Variants in CACHD1 observed in about 807,000 individuals in gnomAD.
CACHD1 encodes the protein cache domain containing 1.
Under a neutral mutation model 138.7 loss-of-function variants are expected in CACHD1, and 71 were observed. The ratio of observed to expected loss-of-function variants is 0.51; its 90% CI spans 0.42 to 0.62. The LOEUF (loss-of-function observed/expected upper bound fraction) is 0.62. CACHD1 is among the 20% of genes least tolerant of loss of function. CACHD1 has a pLI of 0.00. For synonymous variants in CACHD1, 578 were observed against 591.5 expected, an observed-to-expected ratio of 0.98 and a Z score of 0.33; for missense variants, 1,389 against 1,625.3, an observed-to-expected ratio of 0.85 and a Z score of 2.50.
chr1:64,635,407 A>T (rs1648487468), intron 7 of CACHD1, among the ~76,000 whole-genome samples: 1 of 137,520 alleles, frequency 7.3e-6, no homozygotes, highest in Non-Finnish European at 1.5e-5. Flanking sequence ...TTTTGGAGAC[A>T]GAGTCTCACT....
chr1:64,635,627 C>T (rs115020727), intron 7 of CACHD1, among the ~76,000 whole-genome samples: 1,970 of 151,282 alleles, frequency 0.013, 42 homozygotes, highest in African/African-American at 0.045. Context: ...TGTAATCCCC[C>T]ACCTCGGCCT....
At chr1:64,503,812 A>G (rs992469874) in intron 1 of CACHD1, among the ~76,000 whole-genome samples, 1 of 152,052 alleles carries the variant, frequency 6.6e-6, no homozygotes, top group African/African-American at 2.4e-5. Context: ...TAATGGGGAG[A>G]TCATTGTTTT....
intron 1 of CACHD1, 23 bp from the exon 2 acceptor site, chr1:64,550,571 T>G (rs899591146): frequency 6.4e-7 from 1 of 1,558,350 alleles, no homozygotes; most frequent in Non-Finnish European, 8.9e-7. Context: ...GAAAATCTCA[T>G]GTTCATTTTC....
At chr1:64,478,564 G>T (rs930317714) in intron 1 of CACHD1, among the ~76,000 whole-genome samples, 1 of 152,162 alleles carries the variant, frequency 6.6e-6, no homozygotes, top group Admixed American at 6.5e-5. Context: ...ATTCCTTATT[G>T]CAGGGAGGCT....
chr1:64,522,308 A>ATTTTTTTTT (rs11412205), intron 1 of CACHD1, among the ~76,000 whole-genome samples: 2 of 148,844 alleles, frequency 1.3e-5, no homozygotes, highest in Admixed American at 6.7e-5. Context: ...CAACCCCCAC[A>ATTTTTTTTT]TTTTTTTTTT....
intron 1 of CACHD1, among the ~76,000 whole-genome samples, chr1:64,529,103 G>A (rs568246174): frequency 1.8e-4 from 27 of 152,186 alleles, no homozygotes; most frequent in Non-Finnish European, 3.7e-4. Flanking sequence ...ATGAAAGAGT[G>A]TAAATTACAT....
Position 64,619,620 on chromosome 1 carries a change from C to T in CACHD1, c.518-9735C>T, listed in dbSNP as rs142735133. On this transcript the variant is annotated intron_variant, in intron 4 of 26. Coordinates refer to ENST00000651257, the MANE Select transcript of CACHD1 (RefSeq NM_020925.4). Reference sequence around the variant, plus strand: ...TGGAATGGTGGTAGGCACTGGAGGTCGGATCTAAGAGCACCTCTCTCTCAG... The same window carrying T: ...TGGAATGGTGGTAGGCACTGGAGGTTGGATCTAAGAGCACCTCTCTCTCAG... Among the ~76,000 whole-genome samples, 319 of 152,218 alleles carry T rather than the reference C, an allele frequency of 2.1e-3. 2 individuals carry two copies. Among genetic ancestry groups the T allele is most frequent in the African/African-American group, 7.2e-3 (298 of 41,538 alleles).
Position 64,582,219 on chromosome 1 carries a change from G to A in CACHD1, c.325G>A (p.Val109Ile). 1 of 1,614,084 alleles carries A rather than the reference G, an allele frequency of 6.2e-7. No homozygotes were observed. Among genetic ancestry groups the A allele is most frequent in the South Asian group, 1.1e-5 (1 of 91,074 alleles). The change falls in exon 3 of 27, where the codon GTT becomes ATT. Residue 109 changes from valine (V) to isoleucine (I), a missense_variant. This residue lies in a region of CACHD1 where 1,000 missense variants were observed against 1,114.7 expected (regional missense o/e 0.90). Coordinates refer to ENST00000651257, the MANE Select transcript of CACHD1 (RefSeq NM_020925.4). Reference protein sequence around the residue: ...YLDVVNRNKQVVEASYTAHLT... With the variant: ...YLDVVNRNKQIVEASYTAHLT... ...GGATGTGGTCAATCGGAACAAGCAAGTTGTAGAAGCATCCTATACGGCTCA... is the reference window on the plus strand; with the variant it reads ...GGATGTGGTCAATCGGAACAAGCAAATTGTAGAAGCATCCTATACGGCTCA...
intron 1 of CACHD1, among the ~76,000 whole-genome samples, chr1:64,474,786 G>A (rs981388256): frequency 6.6e-6 from 1 of 152,234 alleles, no homozygotes; most frequent in African/African-American, 2.4e-5. Flanking sequence ...GACAGTACAG[G>A]CTTCCTAACA....
Position 64,689,219 on chromosome 1 carries a change from C to A in CACHD1, c.3587-2104C>A, listed in dbSNP as rs150903545. 1.5e-3 allele frequency among the ~76,000 whole-genome samples: 221 copies of A among 152,336 alleles called. 2 individuals are homozygous for A. In the East Asian group the frequency reaches 0.036, roughly 25 times the overall value. ...TGCCCTGAATTTGCAGATGACACTT[C>A]TGAGATTCTGGCTAGACATCTCCAC... On this transcript the variant is annotated intron_variant, in intron 26 of 26. Coordinates refer to ENST00000651257, the MANE Select transcript of CACHD1 (RefSeq NM_020925.4).
rs538552358 is a variant in CACHD1 at position 64,532,824 on chromosome 1, A to G, written c.199-17770A>G. Among the ~76,000 whole-genome samples the G allele has an allele frequency of 1.0e-3, 157 of 152,194 alleles. 1 individual carries two copies. Among genetic ancestry groups the G allele is most frequent in the African/African-American group, 3.7e-3 (152 of 41,524 alleles). On this transcript the variant is annotated intron_variant, in intron 1 of 26. Transcript: ENST00000651257. ...TCTATGTCTGACTCATCATCTATAA[A>G]ATAGGGCTTGTTGTTCTTACTTGAA...
intron 19 of CACHD1, among the ~76,000 whole-genome samples, chr1:64,673,920 C>CT (rs1390673669): frequency 6.6e-6 from 1 of 152,034 alleles, no homozygotes; most frequent in East Asian, 1.9e-4. Context: ...AAAATAATGT[C>CT]TTTTTTTAGC....
rs1279085985 is a variant in CACHD1 at position 64,692,780 on chromosome 1, TA to T, written c.*1220del. 3.3e-5 allele frequency: 5 copies of T among 152,360 alleles called. No individual in the cohort carries two copies. Among genetic ancestry groups the T allele is most frequent in the African/African-American group, 1.2e-4 (5 of 41,460 alleles). The allele number at this position is 152,360 out of a possible 1,614,324, so 9.4% of individuals were successfully genotyped here. ...TGTAACTTTAAAGTAGTGTTTTAAT[TA>T]CAGTGATGTATTTTAGACTCACATT... is the stretch of plus-strand genomic sequence containing the variant. On this transcript the variant is annotated 3_prime_UTR_variant, in exon 27 of 27. Coordinates refer to ENST00000651257, the MANE Select transcript of CACHD1 (RefSeq NM_020925.4).
intron 1 of CACHD1, among the ~76,000 whole-genome samples, chr1:64,519,174 G>A (rs1053879882): frequency 2.6e-5 from 4 of 152,140 alleles, no homozygotes. Flanking sequence ...AGACTTCAAG[G>A]AAGAATTTGC....
chr1:64,503,794 C>T (rs542062450), intron 1 of CACHD1, among the ~76,000 whole-genome samples: 1 of 152,278 alleles, frequency 6.6e-6, no homozygotes, highest in South Asian at 2.1e-4. Flanking sequence ...GTAAAACTTC[C>T]TGTATACTAA....
intron 26 of CACHD1, among the ~76,000 whole-genome samples, chr1:64,689,798 C>G (rs1650484633): frequency 6.6e-6 from 1 of 152,168 alleles, no homozygotes; most frequent in Non-Finnish European, 1.5e-5. Flanking sequence ...TTATCAAACT[C>G]CTACTCATCC....
intron 7 of CACHD1, 110 bp downstream of exon 7, chr1:64,634,370 T>TTATG (rs757024764): frequency 2.7e-6 from 1 of 366,320 alleles, no homozygotes; most frequent in Non-Finnish European, 4.8e-6. Flanking sequence ...ATTTATTTAT[T>TTATG]TATGTATGTA....
rs530847374 is a variant in CACHD1 at position 64,480,886 on chromosome 1, C to CTTTTTTT, written c.198+9951_198+9957dup. On this transcript the variant is annotated intron_variant, in intron 1 of 26. Transcript: ENST00000651257. Reference sequence around the variant, plus strand: ...AAGTTGTTTCTTTCTCTCTCTCTCCCTTTTTTTTTTTTTGGGTGAAAATTG... The same window carrying CTTTTTTT: ...AAGTTGTTTCTTTCTCTCTCTCTCCCTTTTTTTTTTTTTTTTTTTTGGGTGAAAATTG... 3.9e-3 allele frequency among the ~76,000 whole-genome samples: 544 copies of CTTTTTTT among 140,552 alleles called. 9 individuals carry two copies. Among genetic ancestry groups the CTTTTTTT allele is most frequent in the African/African-American group, 0.014 (524 of 37,952 alleles). 92.2% of individuals were successfully genotyped at this position (140,552 alleles called of 152,430 possible). A position where few individuals can be genotyped will look rare whatever the true frequency, so the allele number is the denominator to read the frequency against.
intron 1 of CACHD1, among the ~76,000 whole-genome samples, chr1:64,486,357 CACACACACACAT>C (rs1336214041): frequency 3.6e-5 from 4 of 110,306 alleles, no homozygotes; most frequent in African/African-American, 1.4e-4. Context: ...CGCGCACACA[CACACACACACAT>C]ACACACACAC....
Sources: allele counts gnomAD v4.1 joint callset (sites outside exome capture counted in the v4.1 genomes callset), GRCh38; gene constraint gnomAD v4.1.1; regional missense constraint gnomAD v4.1.1; transcripts MANE v1.5; gene names NCBI Gene and HGNC (gene_info 2026-07-23, HGNC 2026-07-21).